Variants in CRAMP1 observed in about 807,000 individuals in gnomAD.
CRAMP1 encodes cramped chromatin regulator 1.
In CRAMP1, 50 loss-of-function variants were observed where a neutral mutation model predicts 115.4. The ratio of observed to expected loss-of-function variants is 0.43; its 90% CI spans 0.35 to 0.55. The LOEUF is 0.55. CRAMP1 is among the 20% of genes least tolerant of loss of function. The pLI, the probability that CRAMP1 is intolerant of heterozygous loss-of-function variation, is 0.01. For missense variants in CRAMP1, 1,679 were observed against 1,721.7 expected (o/e 0.98, Z 0.44); for synonymous variants, 866 against 745.4 (o/e 1.16, Z -2.64).
chr16:1,619,552 G>A (rs2036449174), intron 2 of CRAMP1, among the ~76,000 whole-genome samples: 1 of 152,190 alleles, frequency 6.6e-6, no homozygotes, highest in African/African-American at 2.4e-5. Context: ...GGAGTTTGTA[G>A]TTTAGTTGGG....
At position 1,670,737 on chromosome 16, in the gene CRAMP1, G is replaced by T; in HGVS notation, c.3573G>T (p.Leu1191Phe). ...TPIGTNSGTS[L>F]LGPSLLDGNS... is the part of the protein sequence containing the mutation. ...TTGGGACCAACAGTGGCACTTCCTT[G>T]CTTGGCCCCAGCTTGTTGGATGGAA... The change falls in exon 20 of 21, where the codon TTG (leucine) becomes TTT (phenylalanine). Residue 1191 changes from leucine (L) to phenylalanine (F), a missense_variant. Around this residue, in one of 8 missense-constraint regions of CRAMP1, gnomAD observed 709 missense variants for 741.9 expected, o/e 0.96. Coordinates refer to ENST00000397412, the MANE Select transcript of CRAMP1 (RefSeq NM_020825.4). 1 of 1,614,028 alleles carries T rather than the reference G, an allele frequency of 6.2e-7. No individual in the cohort carries two copies. Among genetic ancestry groups the T allele is most frequent in the Non-Finnish European group, 8.5e-7 (1 of 1,179,884 alleles).
At chr16:1,612,947 C>T (rs1306092555) in intron 1 of CRAMP1, among the ~76,000 whole-genome samples, 2 of 152,044 alleles carry the variant, frequency 1.3e-5, no homozygotes, top group African/African-American at 2.4e-5. Context: ...GTCTGGACGG[C>T]GTCGGTCCTT....
chr16:1,625,929 C>T, intron 2 of CRAMP1, 44 bp from the exon 3 acceptor site: 1 of 1,546,170 alleles, frequency 6.5e-7, no homozygotes, highest in South Asian at 1.2e-5. Flanking sequence ...GCCCAGCCCG[C>T]CAGCTTTCTG....
At position 1,639,904 on chromosome 16, in the gene CRAMP1, C is replaced by T. The variant is rs540065819; in HGVS notation, c.779-1235C>T. On this transcript the variant is annotated intron_variant, in intron 5 of 20. Transcript: ENST00000397412. ...CTACCTCTAGACCCTATTCTCCTGC[C>T]TCATGAGGATGCTCAAGTTTGATGA... is the stretch of plus-strand genomic sequence containing the variant. 3.0e-4 allele frequency among the ~76,000 whole-genome samples: 46 copies of T among 152,310 alleles called. 1 individual carries two copies. The South Asian group carries it at 9.3e-3, about 31-fold the overall frequency.
chr16:1,651,655 CAG>C (rs1311850656), intron 6 of CRAMP1, among the ~76,000 whole-genome samples: 7 of 141,370 alleles, frequency 5.0e-5, no homozygotes, highest in Non-Finnish European at 1.1e-4. Flanking sequence ...TGAAGTCACA[CAG>C]AGGTAACCTA....
At chr16:1,625,631 G>A (rs2036501872) in intron 2 of CRAMP1, 1 of 191,274 alleles carries the variant, frequency 5.2e-6, no homozygotes, top group East Asian at 1.3e-4. Flanking sequence ...CATGAAATGT[G>A]ATGTGAGGCT....
chr16:1,663,211 C>G (rs1016762198), intron 13 of CRAMP1, among the ~76,000 whole-genome samples: 4 of 152,178 alleles, frequency 2.6e-5, no homozygotes, highest in African/African-American at 9.7e-5. Context: ...CCCCAGGAGT[C>G]CCCGAGGATG....
At chr16:1,628,439 A>T (rs1477388990) in intron 3 of CRAMP1, among the ~76,000 whole-genome samples, 1 of 152,224 alleles carries the variant, frequency 6.6e-6, no homozygotes, top group African/African-American at 2.4e-5. Context: ...TTTTTATTAC[A>T]GACCGAGTTT....
At chr16:1,630,331 T>C (rs2036539593) in intron 3 of CRAMP1, among the ~76,000 whole-genome samples, 2 of 151,986 alleles carry the variant, frequency 1.3e-5, no homozygotes, top group South Asian at 4.1e-4. Context: ...TTTAAGTTTT[T>C]TGTGGAGATG....
At chr16:1,670,134 T>C (rs1039697771) in intron 19 of CRAMP1, among the ~76,000 whole-genome samples, 2 of 151,130 alleles carry the variant, frequency 1.3e-5, no homozygotes, top group South Asian at 4.2e-4. Flanking sequence ...GTGTGGGGGG[T>C]GCATGCCTGT....
intron 5 of CRAMP1, 38 bp downstream of exon 5, chr16:1,637,945 C>T (rs745531528): frequency 9.0e-7 from 1 of 1,109,472 alleles, no homozygotes; most frequent in Non-Finnish European, 1.3e-6. Context: ...ACGGCTCCTC[C>T]TGTCCTTTGT....
intron 5 of CRAMP1, among the ~76,000 whole-genome samples, chr16:1,639,107 C>T (rs1180782567): frequency 1.3e-5 from 2 of 152,060 alleles, no homozygotes; most frequent in African/African-American, 4.8e-5. Context: ...CTCATCTTCC[C>T]CAGATAAAGG....
Position 1,674,250 on chromosome 16 carries a change from G to C in CRAMP1, c.*205G>C. On this transcript the variant is annotated 3_prime_UTR_variant, in exon 21 of 21. Transcript: ENST00000397412. Reference sequence around the variant, plus strand: ...GGATGAGTTCTTGGCAAGGGCCAGCGTTAGAAATCACTGTGGTACTAGAGC... The same window carrying C: ...GGATGAGTTCTTGGCAAGGGCCAGCCTTAGAAATCACTGTGGTACTAGAGC... The C allele has an allele frequency of 1.7e-6, 1 of 595,404 alleles. No homozygotes were observed. Among genetic ancestry groups the C allele is most frequent in the Non-Finnish European group, 3.0e-6 (1 of 336,394 alleles). The allele number at this position is 595,404 out of a possible 1,614,324, so 36.9% of individuals were successfully genotyped here.
intron 13 of CRAMP1, among the ~76,000 whole-genome samples, chr16:1,663,038 G>A (rs868386951): frequency 1.3e-4 from 20 of 152,180 alleles, no homozygotes; most frequent in African/African-American, 4.8e-4. Flanking sequence ...TCAATAACAT[G>A]GAAATCCACT....
chr16:1,625,828 C>T (rs930560411), intron 2 of CRAMP1, 145 bp from the exon 3 acceptor site: 6 of 733,144 alleles, frequency 8.2e-6, no homozygotes, highest in African/African-American at 7.2e-5. Context: ...TGCCGTGGGT[C>T]CTGGGTGCTG....
At chr16:1,625,803 A>G (rs765210014) in intron 2 of CRAMP1, 170 bp from the exon 3 acceptor site, 14 of 596,634 alleles carry the variant, frequency 2.3e-5, no homozygotes, top group Non-Finnish European at 3.8e-5. Flanking sequence ...TGGCAGTCCT[A>G]AGCAGCCTCG....
At chr16:1,640,561 C>T (rs1171433473) in intron 5 of CRAMP1, among the ~76,000 whole-genome samples, 2 of 152,240 alleles carry the variant, frequency 1.3e-5, no homozygotes, top group Non-Finnish European at 2.9e-5. Context: ...CGTTAACGTA[C>T]TGTAGCTGCT....
intron 13 of CRAMP1, among the ~76,000 whole-genome samples, chr16:1,663,866 T>A (rs1183696678): frequency 6.6e-6 from 1 of 152,134 alleles, no homozygotes; most frequent in Non-Finnish European, 1.5e-5. Context: ...TAAAGTTTAC[T>A]GGCACACAGC....
intron 3 of CRAMP1, among the ~76,000 whole-genome samples, chr16:1,631,307 GT>G (rs1232027148): frequency 6.6e-6 from 1 of 152,222 alleles, no homozygotes; most frequent in Admixed American, 6.5e-5. Context: ...CGCCCCGTTG[GT>G]TCCCCATTTG....
Sources: allele counts gnomAD v4.1 joint callset (sites outside exome capture counted in the v4.1 genomes callset), GRCh38; gene constraint gnomAD v4.1.1; regional missense constraint gnomAD v4.1.1; transcripts MANE v1.5; gene names NCBI Gene and HGNC (gene_info 2026-07-23, HGNC 2026-07-21).